Variants in PCDH11X observed in about 807,000 individuals in gnomAD.
The protein encoded by PCDH11X is protocadherin 11 X-linked.
A neutral mutation model predicts 53.3 loss-of-function variants in PCDH11X; 18 were observed. The ratio of observed to expected loss-of-function variants is 0.34; its 90% confidence interval spans 0.23 to 0.50. The LOEUF (loss-of-function observed/expected upper bound fraction) is 0.50. PCDH11X is among the 20% of genes least tolerant of loss of function. PCDH11X has a pLI of 0.98. For missense variants in PCDH11X, 570 were observed against 1,032.4 expected (o/e 0.55, Z 6.14); for synonymous variants, 279 against 393.3 (o/e 0.71, Z 3.44).
intron 4 of PCDH11X, among the ~76,000 whole-genome samples, chrX:91,819,238 G>A (rs1320988351): frequency 1.8e-5 from 2 of 108,249 alleles, no homozygotes; most frequent in African/African-American, 6.7e-5. Context: ...TTCTTAATGA[G>A]TTGGAGTGGG....
Position 92,300,741 on chromosome X carries a change from T to G in PCDH11X, c.3144+37598T>G, listed in dbSNP as rs757099684. ...ATCCACCTGCTTCAGCCTCCCAGAG[T>G]GCTGGGAATACAGGCATGAGCCACT... On this transcript the variant is annotated intron_variant, in intron 8 of 10. Coordinates refer to ENST00000682573, the MANE Select transcript of PCDH11X (RefSeq NM_032968.5). Among the ~76,000 whole-genome samples, 8 of 112,202 alleles carry G rather than the reference T, an allele frequency of 7.1e-5. No homozygotes were observed. In the South Asian group the frequency reaches 3.0e-3, roughly 41 times the overall value.
At chrX:91,840,177 G>C (rs1011856980) in intron 5 of PCDH11X, among the ~76,000 whole-genome samples, 1 of 111,303 alleles carries the variant, frequency 9.0e-6, no homozygotes, top group Admixed American at 9.6e-5. Context: ...GAACTCAGGG[G>C]AAATTAGTTT....
intron 6 of PCDH11X, among the ~76,000 whole-genome samples, chrX:92,192,507 T>TA (rs749184944): frequency 2.2e-3 from 235 of 109,202 alleles, no homozygotes; most frequent in African/African-American, 7.8e-3. Context: ...CACGCCCAGC[T>TA]AATTTTTTTT....
At chrX:91,840,476 C>G (rs963524742) in intron 5 of PCDH11X, among the ~76,000 whole-genome samples, 1 of 111,718 alleles carries the variant, frequency 9.0e-6, no homozygotes, top group African/African-American at 3.3e-5. Context: ...CTGGGGTAGT[C>G]TTTTAACATA....
At chrX:92,518,860 C>A (rs1296208233) in intron 10 of PCDH11X, among the ~76,000 whole-genome samples, 1 of 102,472 alleles carries the variant, frequency 9.8e-6, no homozygotes, top group Non-Finnish European at 2.0e-5. Flanking sequence ...AGGTTCATGC[C>A]ATTCTCCTGC....
intron 6 of PCDH11X, among the ~76,000 whole-genome samples, chrX:92,000,008 T>C (rs1186216785): frequency 9.0e-6 from 1 of 111,461 alleles, no homozygotes; most frequent in African/African-American, 3.3e-5. Context: ...GAAGAAATGG[T>C]GTTTCACTAT....
intron 6 of PCDH11X, among the ~76,000 whole-genome samples, chrX:91,886,566 A>G (rs745555673): frequency 9.1e-6 from 1 of 110,227 alleles, no homozygotes; most frequent in East Asian, 2.8e-4. Flanking sequence ...TTTATTTTCA[A>G]TGATTTAAAT....
At chrX:92,013,280 C>G (rs893774007) in intron 6 of PCDH11X, among the ~76,000 whole-genome samples, 3 of 111,643 alleles carry the variant, frequency 2.7e-5, no homozygotes, top group Admixed American at 1.9e-4. Context: ...CTCACATTCA[C>G]AATTGCTTCA....
At chrX:92,117,573 G>A (rs999122908) in intron 6 of PCDH11X, among the ~76,000 whole-genome samples, 24 of 111,661 alleles carry the variant, frequency 2.1e-4, no homozygotes, top group African/African-American at 7.8e-4. Context: ...TATAATGCAA[G>A]GGAAAGGCCA....
In PCDH11X at chrX:91,821,129, T is replaced by C. The variant is rs1391525704; in HGVS notation, c.-45+9834T>C. Among the ~76,000 whole-genome samples the C allele has an allele frequency of 5.8e-4, 62 of 106,799 alleles. 1 individual carries two copies. Among genetic ancestry groups the C allele is most frequent in the African/African-American group, 2.2e-3 (59 of 26,500 alleles). The allele number at this position is 106,799 out of a possible 115,157, so 92.7% of individuals were successfully genotyped here. The stretch of plus-strand genomic sequence containing the variant: ...TGTGATGCCTCCAGCTTTGTTCTTT[T>C]GGCTTAGGATTGACTTGGCGATGCG... On this transcript the variant is annotated intron_variant, in intron 4 of 10. Coordinates refer to ENST00000682573, the MANE Select transcript of PCDH11X (RefSeq NM_032968.5).
intron 10 of PCDH11X, among the ~76,000 whole-genome samples, chrX:92,523,610 G>A (rs1347396213): frequency 9.0e-6 from 1 of 111,422 alleles, no homozygotes; most frequent in Non-Finnish European, 1.9e-5. Context: ...TTTCTCCACT[G>A]TTTTCCTTAT....
chrX:92,614,293 A>G (rs1225090419), intron 10 of PCDH11X, among the ~76,000 whole-genome samples: 3 of 109,509 alleles, frequency 2.7e-5, no homozygotes, highest in Admixed American at 9.7e-5. Context: ...TTGTGTTAGG[A>G]TATTTTCTTT....
At chrX:91,792,506 C>A (rs1312000949) in intron 1 of PCDH11X, among the ~76,000 whole-genome samples, 1 of 110,166 alleles carries the variant, frequency 9.1e-6, no homozygotes, top group Non-Finnish European at 1.9e-5. Flanking sequence ...AAAGAGATGG[C>A]AGTGAAGGTT....
At chrX:92,441,973 CAGTGTGACCTGGA>C (rs2072525264) in intron 9 of PCDH11X, among the ~76,000 whole-genome samples, 1 of 110,445 alleles carries the variant, frequency 9.1e-6, no homozygotes, top group Admixed American at 9.6e-5. Flanking sequence ...CCTCTTGCAT[CAGTGTGACCTGGA>C]TGTGAGACAT....
chrX:92,575,407 TTAA>T (rs1433220278), intron 10 of PCDH11X, among the ~76,000 whole-genome samples: 2 of 110,293 alleles, frequency 1.8e-5, no homozygotes, highest in Non-Finnish European at 3.8e-5. Flanking sequence ...TTTTAAAAAT[TTAA>T]TAATTTTTAT....
chrX:91,911,419 G>T lies in PCDH11X; in HGVS notation c.3033+32146G>T, dbSNP rs748221079. 1.0e-3 allele frequency among the ~76,000 whole-genome samples: 111 copies of T among 109,754 alleles called. 1 individual carries two copies. The highest frequency in any genetic ancestry group is 3.6e-3 in the African/African-American group (108 of 30,220). ...TAACAATCACATCAGGGTAAATGGG[G>T]TATGCTCACCTCAAGCATACTTCCT... On this transcript the variant is annotated intron_variant, in intron 6 of 10. Transcript: ENST00000682573.
At chrX:91,826,483 G>C (rs1245676034) in intron 4 of PCDH11X, among the ~76,000 whole-genome samples, 1 of 89,242 alleles carries the variant, frequency 1.1e-5, no homozygotes, top group African/African-American at 4.3e-5. Flanking sequence ...TTTATTTTAG[G>C]TTCAGGTATG....
At chrX:92,169,191 A>C (rs1417284639) in intron 6 of PCDH11X, among the ~76,000 whole-genome samples, 1 of 89,414 alleles carries the variant, frequency 1.1e-5, no homozygotes, top group Non-Finnish European at 2.4e-5. Context: ...TGTAGACCTA[A>C]ATTTTGTTCA....
chrX:92,445,689 A>C (rs1010159922), intron 9 of PCDH11X, among the ~76,000 whole-genome samples: 1 of 109,021 alleles, frequency 9.2e-6, no homozygotes, highest in Admixed American at 9.9e-5. Context: ...AGGATATTTA[A>C]GATCAAGTGT....
Sources: gnomAD v4.1 joint callset for allele counts (sites outside exome capture counted in the v4.1 genomes callset) on GRCh38, gnomAD v4.1.1 for gene constraint, MANE v1.5 for transcripts, NCBI Gene and HGNC (gene_info 2026-07-23, HGNC 2026-07-21) for gene names.